The following TMEM232 variants were observed in gnomAD, a reference collection of about 807,000 sequenced individuals.
TMEM232 encodes transmembrane protein 232.
Under a neutral mutation model 78.8 loss-of-function variants are expected in TMEM232, and 80 were observed. The ratio of observed to expected loss-of-function variants is 1.01; its 90% confidence interval spans 0.85 to 1.22. The LOEUF is 1.22. Among genes scored for constraint, TMEM232 ranks in the 50% most tolerant of loss-of-function variants. The probability of loss-of-function intolerance (pLI) is 0.00; values close to 1 mark genes in which losing one functional copy is unlikely to be tolerated. For missense variants in TMEM232, 881 were observed against 742.2 expected (o/e 1.19, Z -2.17); for synonymous variants, 297 against 254.3 (o/e 1.17, Z -1.60).
chr5:110,530,112 T>C (rs1441224155), intron 11 of TMEM232, among the ~76,000 whole-genome samples: 1 of 152,194 alleles, frequency 6.6e-6, no homozygotes, highest in Non-Finnish European at 1.5e-5. Context: ...GTTCCAAAAT[T>C]AGGCCTGGCT....
At chr5:110,687,274 C>T (rs1793532763) in intron 1 of TMEM232, among the ~76,000 whole-genome samples, 1 of 144,420 alleles carries the variant, frequency 6.9e-6, no homozygotes, top group African/African-American at 2.4e-5. Context: ...TTAGGAACTG[C>T]CTCTTCTTTC....
upstream of TMEM232, chr5:110,738,931 C>T (rs1799504250): frequency 2.8e-6 from 4 of 1,421,598 alleles, no homozygotes; most frequent in Non-Finnish European, 3.7e-6. Flanking sequence ...CAACCGTGCC[C>T]TTTAATGGTT....
At chr5:110,726,414 G>T (rs1798161004) in intron 1 of TMEM232, among the ~76,000 whole-genome samples, 1 of 152,040 alleles carries the variant, frequency 6.6e-6, no homozygotes, top group South Asian at 2.1e-4. Flanking sequence ...TTTCCAGGAT[G>T]GACTGCTTAG....
intron 1 of TMEM232, among the ~76,000 whole-genome samples, chr5:110,736,972 G>T (rs1799235929): frequency 1.3e-5 from 2 of 148,546 alleles, no homozygotes; most frequent in African/African-American, 5.0e-5. Context: ...CTGCTCAAAG[G>T]TCACTTCTTC....
At chr5:110,388,815 G>C (rs1247035649) in intron 4 of TMEM232, among the ~76,000 whole-genome samples, 1 of 152,200 alleles carries the variant, frequency 6.6e-6, no homozygotes, top group Admixed American at 6.5e-5. Flanking sequence ...GAATCGGGGT[G>C]GGGGCAGGCA....
chr5:110,725,613 G>A (rs1221719548), intron 1 of TMEM232: 1 of 152,116 alleles, frequency 6.6e-6, no homozygotes, highest in Non-Finnish European at 1.5e-5. Context: ...TATGTATGTG[G>A]ATTACCCAAA....
intron 12 of TMEM232, among the ~76,000 whole-genome samples, chr5:110,437,582 ATAT>A (rs778007735): frequency 7.9e-5 from 12 of 152,016 alleles, no homozygotes; most frequent in Non-Finnish European, 1.6e-4. Context: ...TAGTTTTATT[ATAT>A]TATTATCATT....
chr5:110,532,833 C>T (rs1771750429), intron 11 of TMEM232, among the ~76,000 whole-genome samples: 1 of 152,152 alleles, frequency 6.6e-6, no homozygotes, highest in African/African-American at 2.4e-5. Context: ...GCCAATATCC[C>T]ATCCCACAGC....
At chr5:110,603,896 A>G (rs973202597) in intron 10 of TMEM232, among the ~76,000 whole-genome samples, 5 of 152,144 alleles carry the variant, frequency 3.3e-5, no homozygotes, top group Non-Finnish European at 5.9e-5. Flanking sequence ...ATCTATTTCT[A>G]AAGTCTTACT....
intron 1 of TMEM232, among the ~76,000 whole-genome samples, chr5:110,681,293 G>A (rs1159245962): frequency 6.6e-6 from 1 of 152,172 alleles, no homozygotes; most frequent in Non-Finnish European, 1.5e-5. Flanking sequence ...AATGTAAACA[G>A]CCACATCTGT....
chr5:110,562,384 C>A (rs1289735121), intron 11 of TMEM232, among the ~76,000 whole-genome samples: 2 of 152,086 alleles, frequency 1.3e-5, no homozygotes, highest in African/African-American at 4.8e-5. Flanking sequence ...ATGACATTTT[C>A]TTATCTGCAA....
intron 12 of TMEM232, among the ~76,000 whole-genome samples, chr5:110,471,914 A>G (rs903464223): frequency 6.6e-6 from 1 of 152,092 alleles, no homozygotes; most frequent in Non-Finnish European, 1.5e-5. Context: ...ACATTACAAC[A>G]TATAACACAG....
At chr5:110,672,195 A>G (rs1791446882) in intron 1 of TMEM232, among the ~76,000 whole-genome samples, 1 of 152,160 alleles carries the variant, frequency 6.6e-6, no homozygotes, top group South Asian at 2.1e-4. Context: ...GAAGTTAGAG[A>G]CTATTTTAAA....
chr5:110,629,481 A>G (rs570974570), intron 5 of TMEM232, among the ~76,000 whole-genome samples: 33 of 152,168 alleles, frequency 2.2e-4, no homozygotes, highest in Admixed American at 1.1e-3. Flanking sequence ...TGGACTTTCT[A>G]TGTATTGTTC....
Position 110,495,214 on chromosome 5 carries a change from A to T in TMEM232, c.1703+33374T>A, listed in dbSNP as rs566337033. Among the ~76,000 whole-genome samples, 1,476 of 151,868 alleles carry T rather than the reference A, an allele frequency of 9.7e-3. 30 individuals are homozygous for T. The highest frequency in any genetic ancestry group is 0.033 in the African/African-American group (1,379 of 41,506). ...AAAGGAGAGATCTGTGGTTTAAAGT[A>T]GCTCCGCCTTATCTATATATGTTAA... On this transcript the variant is annotated intron_variant, in intron 12 of 13. Coordinates refer to ENST00000455884, the MANE Select transcript of TMEM232 (RefSeq NM_001039763.4).
intron 2 of TMEM232, among the ~76,000 whole-genome samples, chr5:110,652,338 T>A (rs962306836): frequency 4.9e-5 from 6 of 123,584 alleles, no homozygotes; most frequent in African/African-American, 1.8e-4. Flanking sequence ...GGGTTTCAAA[T>A]ACAAATTAAA....
intron 10 of TMEM232, among the ~76,000 whole-genome samples, chr5:110,591,440 C>T (rs1018208450): frequency 6.6e-6 from 1 of 152,052 alleles, no homozygotes. Flanking sequence ...TAAGATTCCT[C>T]CAGATATATA....
At chr5:110,588,004 T>C (rs953478654) in intron 10 of TMEM232, among the ~76,000 whole-genome samples, 1 of 151,852 alleles carries the variant, frequency 6.6e-6, no homozygotes, top group South Asian at 2.1e-4. Context: ...ACCACAACCT[T>C]ATTACTGAAT....
chr5:110,598,511 A>G (rs193181555), intron 10 of TMEM232, among the ~76,000 whole-genome samples: 5,205 of 152,052 alleles, frequency 0.034, 128 homozygotes, highest in African/African-American at 0.065. Context: ...CCATTACTGG[A>G]TATATACCCA....
Sources: gnomAD v4.1 joint callset for allele counts (sites outside exome capture counted in the v4.1 genomes callset) on GRCh38, gnomAD v4.1.1 for gene constraint, MANE v1.5 for transcripts, NCBI Gene and HGNC (gene_info 2026-07-23, HGNC 2026-07-21) for gene names.